GUCY1A1: variants seen among roughly 807,000 people sequenced by gnomAD.
GUCY1A1 encodes the protein guanylate cyclase 1 soluble subunit alpha 1.
In GUCY1A1, 48 loss-of-function variants were observed where a neutral mutation model predicts 64.5. The ratio of observed to expected loss-of-function variants is 0.74; its 90% CI spans 0.59 to 0.95. The LOEUF (loss-of-function observed/expected upper bound fraction) is 0.95. Among genes scored for constraint, GUCY1A1 ranks in the 40% least tolerant of loss-of-function variants. The probability of loss-of-function intolerance (pLI) is 0.00; values close to 1 mark genes in which losing one functional copy is unlikely to be tolerated. For synonymous variants in GUCY1A1, 308 were observed against 303.4 expected (o/e 1.02, Z -0.16); for missense variants, 804 against 825.3 (o/e 0.97, Z 0.32).
chr4:155,723,080 C>A (rs1430596988), intron 9 of GUCY1A1, among the ~76,000 whole-genome samples: 3 of 152,140 alleles, frequency 2.0e-5, no homozygotes, highest in Non-Finnish European at 4.4e-5. Flanking sequence ...TGCCCCCATT[C>A]TGAGTCATCT....
intron 2 of GUCY1A1, among the ~76,000 whole-genome samples, chr4:155,685,466 C>A (rs1728854052): frequency 6.6e-6 from 1 of 152,104 alleles, no homozygotes; most frequent in South Asian, 2.1e-4. Context: ...ATATAATGCT[C>A]ATGTATCACT....
chr4:155,680,460 A>ATATGTG (rs1735569676), intron 2 of GUCY1A1, among the ~76,000 whole-genome samples: 2 of 149,520 alleles, frequency 1.3e-5, no homozygotes, highest in Admixed American at 1.3e-4. Context: ...TTTTAAGTAT[A>ATATGTG]TGTGTGTGTG....
intron 2 of GUCY1A1, among the ~76,000 whole-genome samples, chr4:155,670,234 T>C (rs796873102): frequency 6.6e-6 from 1 of 152,306 alleles, no homozygotes; most frequent in African/African-American, 2.4e-5. Flanking sequence ...TTTATTACTT[T>C]TCTGCACATT....
chr4:155,730,290 C>T lies in GUCY1A1; in HGVS notation c.*59C>T. ...TTGACTCATTGAAGATGTGTAGAGCCTCTGAAAGCACTTTAGGGATTGTAG... is the reference window on the plus strand; with the variant it reads ...TTGACTCATTGAAGATGTGTAGAGCTTCTGAAAGCACTTTAGGGATTGTAG... On this transcript the variant is annotated 3_prime_UTR_variant, in exon 10 of 10. Transcript: ENST00000506455. The T allele has an allele frequency of 9.4e-7, 1 of 1,065,592 alleles. No homozygotes were observed. The highest frequency in any genetic ancestry group is 2.4e-5 in the East Asian group (1 of 41,574). The allele number at this position is 1,065,592 out of a possible 1,614,324, so 66.0% of individuals were successfully genotyped here.
At chr4:155,682,797 A>T (rs1237452537) in intron 2 of GUCY1A1, among the ~76,000 whole-genome samples, 4 of 152,042 alleles carry the variant, frequency 2.6e-5, no homozygotes, top group Admixed American at 2.0e-4. Context: ...CTTTTATGAA[A>T]CAGTAAATTT....
At chr4:155,681,757 G>A (rs1015354603) in intron 2 of GUCY1A1, among the ~76,000 whole-genome samples, 2 of 152,058 alleles carry the variant, frequency 1.3e-5, no homozygotes, top group Non-Finnish European at 2.9e-5. Context: ...CTCTATATAT[G>A]TAGCCTCTTG....
rs1232225589 is a variant in GUCY1A1, at chr4:155,732,643, A to G, written c.*2412A>G. On this transcript the variant is annotated 3_prime_UTR_variant, in exon 10 of 10. Transcript: ENST00000506455. ...ATTCTTAAAATAAATAAGGGGCCCAAGTCAGAGCTTTGAGGTATTGAAGAT... is the reference window on the plus strand; with the variant it reads ...ATTCTTAAAATAAATAAGGGGCCCAGGTCAGAGCTTTGAGGTATTGAAGAT... Among the ~76,000 whole-genome samples the G allele has an allele frequency of 6.6e-6, 1 of 151,932 alleles. No individual in the cohort carries two copies. Among genetic ancestry groups the G allele is most frequent in the East Asian group, 1.9e-4 (1 of 5,168 alleles).
chr4:155,692,366 C>T (rs1425883496), intron 2 of GUCY1A1, among the ~76,000 whole-genome samples: 2 of 151,984 alleles, frequency 1.3e-5, no homozygotes, highest in East Asian at 3.9e-4. Flanking sequence ...TGAGGAATTG[C>T]CACACTCTCT....
At chr4:155,685,658 A>G (rs567218115) in intron 2 of GUCY1A1, among the ~76,000 whole-genome samples, 29 of 127,538 alleles carry the variant, frequency 2.3e-4, no homozygotes, top group Non-Finnish European at 4.0e-4. Context: ...AGCCAGGCCT[A>G]TACTTCTCCA....
At position 155,684,434 on chromosome 4, in the gene GUCY1A1, T is replaced by C. The variant is rs565635700; in HGVS notation, c.-112-12322T>C. 4.6e-5 allele frequency among the ~76,000 whole-genome samples: 7 copies of C among 152,360 alleles called. No individual in the cohort carries two copies. In the East Asian group the frequency reaches 1.2e-3, roughly 25 times the overall value. On this transcript the variant is annotated intron_variant, in intron 2 of 9. Coordinates refer to ENST00000506455, the MANE Select transcript of GUCY1A1 (RefSeq NM_001130682.3). ...GATTCCAGCATAAGCATCAAGGATC[T>C]GTGTCCCAGTGTTATGACAAAAGTT...
chr4:155,695,076 C>A (rs1474282185), intron 2 of GUCY1A1, among the ~76,000 whole-genome samples: 1 of 152,124 alleles, frequency 6.6e-6, no homozygotes, highest in Non-Finnish European at 1.5e-5. Context: ...CTTGAAGTTC[C>A]ATAAATTATA....
rs150029580 is a variant in GUCY1A1 at position 155,707,709 on chromosome 4, A to T, written c.318-527A>T. 6.6e-4 allele frequency among the ~76,000 whole-genome samples: 101 copies of T among 152,188 alleles called. 1 individual carries two copies. Among genetic ancestry groups the T allele is most frequent in the African/African-American group, 2.3e-3 (97 of 41,542 alleles). On this transcript the variant is annotated intron_variant, in intron 4 of 9. Transcript: ENST00000506455. ...GAAGAATAACAAAACATTCTATGTC[A>T]TATATATTTTGGGGTTTTCCAACAT...
chr4:155,723,091 C>A (rs2126955266), intron 9 of GUCY1A1, among the ~76,000 whole-genome samples: 1 of 152,188 alleles, frequency 6.6e-6, no homozygotes, highest in South Asian at 2.1e-4. Flanking sequence ...TGAGTCATCT[C>A]ATTAATATAA....
chr4:155,723,434 T>C (rs1734231292), intron 9 of GUCY1A1, among the ~76,000 whole-genome samples: 1 of 152,114 alleles, frequency 6.6e-6, no homozygotes, highest in South Asian at 2.1e-4. Context: ...TTATCCACCT[T>C]TAACCGGAAA....
At chr4:155,726,349 T>C (rs1392039455) in intron 9 of GUCY1A1, among the ~76,000 whole-genome samples, 5 of 151,972 alleles carry the variant, frequency 3.3e-5, no homozygotes, top group African/African-American at 1.2e-4. Context: ...TGGGAAAACT[T>C]AAAATAATAT....
rs1490798677 is a variant in GUCY1A1 at position 155,733,545 on chromosome 4, CAT to C, written c.*3315_*3316del. On this transcript the variant is annotated 3_prime_UTR_variant, in exon 10 of 10. Coordinates refer to ENST00000506455, the MANE Select transcript of GUCY1A1 (RefSeq NM_001130682.3). ...TATTAATATATAGTAATTAACTACA[CAT>C]GACACAGCTTTACATGACCTTAAGT... Among the ~76,000 whole-genome samples, 2 of 151,294 alleles carry C rather than the reference CAT, an allele frequency of 1.3e-5. No individual in the cohort carries two copies. The highest frequency in any genetic ancestry group is 6.6e-5 in the Admixed American group (1 of 15,138).
intron 8 of GUCY1A1, among the ~76,000 whole-genome samples, chr4:155,719,610 C>A (rs1392565037): frequency 6.6e-6 from 1 of 152,082 alleles, no homozygotes; most frequent in African/African-American, 2.4e-5. Flanking sequence ...TCTATGCTTT[C>A]CTTTAGCACG....
At chr4:155,722,570 G>A (rs942109739) in intron 9 of GUCY1A1, 2 of 392,708 alleles carry the variant, frequency 5.1e-6, no homozygotes, top group South Asian at 9.8e-5. Flanking sequence ...ACAAGTTACA[G>A]GGCACAGAAC....
intron 2 of GUCY1A1, among the ~76,000 whole-genome samples, chr4:155,671,072 G>A (rs977146301): frequency 6.6e-6 from 1 of 152,060 alleles, no homozygotes; most frequent in Non-Finnish European, 1.5e-5. Flanking sequence ...GATCCATAGT[G>A]CTTGGTGCAT....
Sources: gnomAD v4.1 joint callset for allele counts (sites outside exome capture counted in the v4.1 genomes callset) on GRCh38, gnomAD v4.1.1 for gene constraint, MANE v1.5 for transcripts, NCBI Gene and HGNC (gene_info 2026-07-23, HGNC 2026-07-21) for gene names.